APBB2: variants seen among roughly 807,000 people sequenced by gnomAD.
APBB2 encodes the protein Fe65-like 1.
Under a neutral mutation model 82.5 loss-of-function variants are expected in APBB2, and 38 were observed. That is an observed-to-expected ratio of 0.46 (90% CI 0.36 to 0.60). APBB2 has a LOEUF of 0.60. Ranked by LOEUF, APBB2 falls within the 20% of genes least tolerant of loss-of-function variation. APBB2 has a pLI of 0.00. For missense variants in APBB2, 772 were observed against 972.3 expected (o/e 0.79, Z 2.74); for synonymous variants, 341 against 368.2 (o/e 0.93, Z 0.85).
intron 3 of APBB2, among the ~76,000 whole-genome samples, chr4:41,097,188 G>A (rs1743779731): frequency 6.6e-6 from 1 of 152,162 alleles, no homozygotes; most frequent in South Asian, 2.1e-4. Flanking sequence ...CTCGGCAGGA[G>A]GAATATGTCA....
intron 10 of APBB2, among the ~76,000 whole-genome samples, chr4:40,895,123 T>G (rs1773305474): frequency 6.6e-6 from 1 of 152,172 alleles, no homozygotes; most frequent in South Asian, 2.1e-4. Context: ...CCTCTTCCAG[T>G]CACCGTGCAC....
chr4:40,943,851 A>G (rs1021881241), intron 7 of APBB2, among the ~76,000 whole-genome samples: 3 of 152,232 alleles, frequency 2.0e-5, no homozygotes, highest in African/African-American at 7.2e-5. Context: ...AAGTTGGAGA[A>G]TCTGAGGTCC....
intron 6 of APBB2, among the ~76,000 whole-genome samples, chr4:40,946,368 G>T (rs544667399): frequency 3.7e-4 from 57 of 152,132 alleles, no homozygotes; most frequent in African/African-American, 1.2e-3. Context: ...AGACAACAAA[G>T]GTGGGTGACT....
Position 40,832,064 on chromosome 4 carries a change from C to A in APBB2, c.1530-1487G>T, listed in dbSNP as rs1437290262. Among the ~76,000 whole-genome samples, 3 of 99,766 alleles carry A rather than the reference C, an allele frequency of 3.0e-5. No homozygotes were observed. The highest frequency in any genetic ancestry group is 9.9e-5 in the Admixed American group (1 of 10,056). The allele number at this position is 99,766 out of a possible 152,430, so 65.5% of individuals were successfully genotyped here. ...CACACACACACACATATACACCAAG[C>A]TTTACCCATCTAGGAATGGATCACA... On this transcript the variant is annotated intron_variant, in intron 12 of 17. Coordinates refer to ENST00000508593, the MANE Select transcript of APBB2 (RefSeq NM_004307.2). This position sits in a 1 kb window ranked among gnomAD's most constrained non-coding sequence, Gnocchi z 4.8.
intron 10 of APBB2, among the ~76,000 whole-genome samples, chr4:40,919,413 T>C (rs1780699940): frequency 2.6e-5 from 4 of 152,210 alleles, no homozygotes; most frequent in Admixed American, 2.6e-4. Flanking sequence ...CGTCATCAGG[T>C]GCTATCTACA....
Position 40,890,241 on chromosome 4 carries a change from C to G in APBB2, c.1529+123G>C, listed in dbSNP as rs115168526. 1.1e-3 allele frequency: 1,401 copies of G among 1,313,170 alleles called. 15 individuals are homozygous for G. In the African/African-American group the frequency reaches 0.018, roughly 17 times the overall value. The allele number at this position is 1,313,170 out of a possible 1,614,324, so 81.3% of individuals were successfully genotyped here. A position where few individuals can be genotyped will look rare whatever the true frequency, so the allele number is the denominator to read the frequency against. ...ACTAGAGACAAGCTTTCATTTTTCA[C>G]ATTTCTATATAGAAGCTACATGAGT... On this transcript the variant is annotated intron_variant, in intron 12 of 17. Coordinates refer to ENST00000508593, the MANE Select transcript of APBB2 (RefSeq NM_004307.2).
rs529986476 is a variant in APBB2, at chr4:41,152,587, C to A, written c.-416-9445G>T. On this transcript the variant is annotated intron_variant, in intron 1 of 17. Coordinates refer to ENST00000508593, the MANE Select transcript of APBB2 (RefSeq NM_004307.2). ...TCGTGATCTACCCACCTCGGCCTCC[C>A]AAAGTGCTGGGATTACAGGCATGAG... Among the ~76,000 whole-genome samples, 10 of 152,172 alleles carry A rather than the reference C, an allele frequency of 6.6e-5. 1 individual carries two copies. The highest frequency in any genetic ancestry group is 2.4e-4 in the African/African-American group (10 of 41,568).
At chr4:40,851,732 A>ATTT (rs1176193029) in intron 12 of APBB2, among the ~76,000 whole-genome samples, 4 of 32,738 alleles carry the variant, frequency 1.2e-4, no homozygotes, top group African/African-American at 4.8e-4. Flanking sequence ...ATATATATAT[A>ATTT]TATATATTTT....
intron 6 of APBB2, among the ~76,000 whole-genome samples, chr4:40,960,069 C>T (rs954313028): frequency 1.1e-4 from 16 of 151,990 alleles, no homozygotes; most frequent in African/African-American, 2.7e-4. Context: ...ATCAGTAGAA[C>T]GGAGGTAAAT....
At chr4:41,068,788 CTTTTTTT>C (rs71198628) in intron 3 of APBB2, among the ~76,000 whole-genome samples, 11 of 78,368 alleles carry the variant, frequency 1.4e-4, no homozygotes, top group Admixed American at 4.7e-4. Context: ...TACCAACCAT[CTTTTTTT>C]TTTTTTTTTT....
At chr4:40,913,570 A>G (rs1225721574) in intron 10 of APBB2, among the ~76,000 whole-genome samples, 1 of 152,170 alleles carries the variant, frequency 6.6e-6, no homozygotes, top group Non-Finnish European at 1.5e-5. Flanking sequence ...TTGTAACCCC[A>G]AAGTCCATAC....
chr4:41,095,185 C>T (rs150862830), intron 3 of APBB2, among the ~76,000 whole-genome samples: 7 of 152,316 alleles, frequency 4.6e-5, no homozygotes, highest in Admixed American at 2.0e-4. Context: ...AGTTATTTTA[C>T]CTGCCAGGGG....
intron 12 of APBB2, among the ~76,000 whole-genome samples, chr4:40,874,655 G>A (rs1766396981): frequency 6.6e-6 from 1 of 152,168 alleles, no homozygotes; most frequent in South Asian, 2.1e-4. Context: ...CCCTCTGAAG[G>A]TTCGCCGTTA....
At chr4:40,853,457 CTTT>C (rs112974904) in intron 12 of APBB2, among the ~76,000 whole-genome samples, 2 of 146,272 alleles carry the variant, frequency 1.4e-5, no homozygotes, top group Non-Finnish European at 3.0e-5. Flanking sequence ...TGCTTTCCTT[CTTT>C]TTTTTTTTGC....
At chr4:40,934,132 T>C (rs183807959) in intron 10 of APBB2, among the ~76,000 whole-genome samples, 74 of 152,322 alleles carry the variant, frequency 4.9e-4, no homozygotes, top group African/African-American at 1.7e-3. Flanking sequence ...TCCTCTCCCA[T>C]TGCTTTGCAA....
intron 1 of APBB2, among the ~76,000 whole-genome samples, chr4:41,174,095 C>T (rs1580624738): frequency 6.6e-6 from 1 of 152,180 alleles, no homozygotes; most frequent in African/African-American, 2.4e-5. Context: ...TGGACTGAAA[C>T]ACCGAAGCTG....
intron 17 of APBB2, among the ~76,000 whole-genome samples, chr4:40,820,047 TCCC>T (rs1747277025): frequency 6.6e-6 from 1 of 152,176 alleles, no homozygotes; most frequent in African/African-American, 2.4e-5. Context: ...TTTCTGTGTC[TCCC>T]CCACTATACC....
At chr4:40,887,541 T>C (rs1333053363) in intron 12 of APBB2, among the ~76,000 whole-genome samples, 2 of 151,630 alleles carry the variant, frequency 1.3e-5, no homozygotes, top group African/African-American at 2.4e-5. Flanking sequence ...TAAATTGCTG[T>C]TAAGGAAAAA....
chr4:40,982,718 G>A (rs1799418837), intron 6 of APBB2, among the ~76,000 whole-genome samples: 1 of 151,938 alleles, frequency 6.6e-6, no homozygotes, highest in South Asian at 2.1e-4. Flanking sequence ...TTGAGCCTGG[G>A]AAGTTGAGGT....
Sources: allele counts gnomAD v4.1 joint callset (sites outside exome capture counted in the v4.1 genomes callset), GRCh38; gene constraint gnomAD v4.1.1; non-coding constraint Gnocchi (gnomAD v3.1); transcripts MANE v1.5; gene names NCBI Gene and HGNC (gene_info 2026-07-23, HGNC 2026-07-21).